Variants in SPMIP7 observed in about 807,000 individuals in gnomAD.
SPMIP7 encodes the protein sperm microtubule inner protein 7, also known as protein SPMIP7.
chr7:50,126,382 T>C, the SPMIP7 span, among the ~76,000 whole-genome samples: 2 of 151,904 alleles, frequency 1.3e-5, no homozygotes, highest in Non-Finnish European at 2.9e-5. Flanking sequence ...TATATCTGTT[T>C]TTTTTTTAAT....
At chr7:50,129,788 A>G in the SPMIP7 span, 39 of 1,544,044 alleles carry the variant, frequency 2.5e-5, no homozygotes, top group Non-Finnish European at 3.4e-5. Flanking sequence ...AGTCCTCTAC[A>G]CAAAAGTAAG....
the SPMIP7 span, among the ~76,000 whole-genome samples, chr7:50,125,346 A>G: frequency 2.0e-5 from 3 of 146,382 alleles, no homozygotes; most frequent in African/African-American, 7.5e-5. Context: ...ATACATATAT[A>G]TACACACATA....
chr7:50,142,019 C>T, the SPMIP7 span: 161 of 151,422 alleles, frequency 1.1e-3, no homozygotes, highest in Non-Finnish European at 1.9e-3. Flanking sequence ...TGAACCACCG[C>T]GCCCAGCCGA....
chr7:50,103,240 A>G, the SPMIP7 span, among the ~76,000 whole-genome samples: 483 of 151,968 alleles, frequency 3.2e-3, 1 homozygote, highest in African/African-American at 0.011. Flanking sequence ...TTAATTTTAC[A>G]TTTTGCCAAG....
the SPMIP7 span, among the ~76,000 whole-genome samples, chr7:50,105,898 T>C: frequency 6.6e-6 from 1 of 152,202 alleles, no homozygotes; most frequent in African/African-American, 2.4e-5. Flanking sequence ...GTGAACCTTA[T>C]AAGAAACTGA....
At chr7:50,130,887 T>C in the SPMIP7 span, among the ~76,000 whole-genome samples, 5 of 151,538 alleles carry the variant, frequency 3.3e-5, no homozygotes, top group Non-Finnish European at 5.9e-5. Flanking sequence ...GTGCCTGGAG[T>C]AGGGTAACAG....
chr7:50,123,623 G>T, the SPMIP7 span, among the ~76,000 whole-genome samples: 1 of 150,004 alleles, frequency 6.7e-6, no homozygotes, highest in African/African-American at 2.4e-5. Flanking sequence ...GTTTGTACAC[G>T]TTATGTGAAG....
the SPMIP7 span, among the ~76,000 whole-genome samples, chr7:50,097,121 C>T: frequency 6.6e-6 from 1 of 152,168 alleles, no homozygotes; most frequent in African/African-American, 2.4e-5. Context: ...GCATAAATAG[C>T]TCCACAGCCA....
chr7:50,130,333 G>A, the SPMIP7 span, among the ~76,000 whole-genome samples: 1 of 152,084 alleles, frequency 6.6e-6, no homozygotes, highest in Non-Finnish European at 1.5e-5. Flanking sequence ...AAGGCAAGGA[G>A]GAGCAAAGTT....
the SPMIP7 span, chr7:50,104,400 G>T: frequency 4.9e-5 from 75 of 1,517,772 alleles, no homozygotes; most frequent in East Asian, 1.7e-3. Context: ...TGATGAGGAG[G>T]CAACATGTAC....
the SPMIP7 span, among the ~76,000 whole-genome samples, chr7:50,102,150 C>T: frequency 1.3e-5 from 2 of 152,052 alleles, no homozygotes; most frequent in Non-Finnish European, 2.9e-5. Flanking sequence ...ATGGTGAAAC[C>T]CCGTCTCTAC....
the SPMIP7 span, among the ~76,000 whole-genome samples, chr7:50,124,809 A>C: frequency 6.6e-6 from 1 of 152,034 alleles, no homozygotes; most frequent in Non-Finnish European, 1.5e-5. Context: ...CAATATTAAG[A>C]AACTAGAGGC....
chr7:50,106,841 C>T, the SPMIP7 span, among the ~76,000 whole-genome samples: 8 of 152,228 alleles, frequency 5.3e-5, no homozygotes, highest in Non-Finnish European at 1.5e-5. Flanking sequence ...TGGTGTCTCA[C>T]ACCTGTAATC....
the SPMIP7 span, among the ~76,000 whole-genome samples, chr7:50,153,069 C>T: frequency 6.6e-6 from 1 of 152,184 alleles, no homozygotes; most frequent in Non-Finnish European, 1.5e-5. Context: ...GACAAGGTCC[C>T]AGCTTTTAGG....
chr7:50,122,364 T>G, the SPMIP7 span, among the ~76,000 whole-genome samples: 8 of 150,436 alleles, frequency 5.3e-5, no homozygotes, highest in Admixed American at 1.3e-4. Flanking sequence ...GCTAGCCATA[T>G]GTAGAAAGCT....
the SPMIP7 span, among the ~76,000 whole-genome samples, chr7:50,125,141 C>CACATAT: frequency 8.8e-5 from 3 of 34,268 alleles, no homozygotes; most frequent in African/African-American, 5.3e-4. Flanking sequence ...CACACACACA[C>CACATAT]ATATACACAC....
chr7:50,130,718 A>G, the SPMIP7 span, among the ~76,000 whole-genome samples: 1 of 152,034 alleles, frequency 6.6e-6, no homozygotes. Context: ...AGGTGTGGGG[A>G]GGCCTCCCCA....
At chr7:50,136,149 G>T in the SPMIP7 span, 3 of 1,550,834 alleles carry the variant, frequency 1.9e-6, no homozygotes, top group Non-Finnish European at 2.6e-6. Flanking sequence ...CTTGGCACCA[G>T]TCAAACCAAT....
chr7:50,141,584 C>G, the SPMIP7 span: 2 of 522,582 alleles, frequency 3.8e-6, no homozygotes, highest in Non-Finnish European at 7.0e-6. Flanking sequence ...GGCCCTTGAG[C>G]AAGTCACTTT....
Sources: allele counts gnomAD v4.1 joint callset (sites outside exome capture counted in the v4.1 genomes callset), GRCh38; gene constraint gnomAD v4.1.1; transcripts MANE v1.5; gene names NCBI Gene and HGNC (gene_info 2026-07-23, HGNC 2026-07-21).